Variants in NXPH1 observed in about 807,000 individuals in gnomAD.
NXPH1 encodes neurexophilin 1.
NXPH1 carries 5 observed loss-of-function variants against 23.7 expected under a neutral mutation model. The ratio of observed to expected loss-of-function variants is 0.21; its 90% CI spans 0.11 to 0.44. The LOEUF is 0.44. Ranked by LOEUF, NXPH1 falls within the 20% of genes least tolerant of loss-of-function variation. The pLI is 0.99. For synonymous variants in NXPH1, 144 were observed against 122.2 expected, an observed-to-expected ratio of 1.18 and a Z score of -1.18; for missense variants, 324 against 321.6, an observed-to-expected ratio of 1.01 and a Z score of -0.06.
chr7:8,504,524 C>T (rs1817490205), intron 2 of NXPH1, among the ~76,000 whole-genome samples: 1 of 152,004 alleles, frequency 6.6e-6, no homozygotes, highest in South Asian at 2.1e-4. Flanking sequence ...ACTGCAGCCA[C>T]TCAGGAGCAG....
intron 2 of NXPH1, among the ~76,000 whole-genome samples, chr7:8,664,448 G>A (rs1020576130): frequency 6.6e-6 from 1 of 151,876 alleles, no homozygotes; most frequent in Admixed American, 6.6e-5. Context: ...GCCTTGACTG[G>A]CATTTATTGC....
At chr7:8,688,645 A>G (rs187996065) in intron 2 of NXPH1, among the ~76,000 whole-genome samples, 3 of 152,280 alleles carry the variant, frequency 2.0e-5, no homozygotes, top group Admixed American at 2.0e-4. Context: ...AGACACATGT[A>G]TGTGTCTTCT....
At chr7:8,738,065 C>T (rs1780292953) in intron 2 of NXPH1, among the ~76,000 whole-genome samples, 1 of 152,172 alleles carries the variant, frequency 6.6e-6, no homozygotes, top group African/African-American at 2.4e-5. Flanking sequence ...AGCTTCCTTG[C>T]ATTGGGTTAG....
chr7:8,594,004 T>C (rs1397172612), intron 2 of NXPH1, among the ~76,000 whole-genome samples: 9 of 152,058 alleles, frequency 5.9e-5, no homozygotes, highest in African/African-American at 1.9e-4. Context: ...TTCAAAATTC[T>C]TGTGGGAGGT....
intron 2 of NXPH1, among the ~76,000 whole-genome samples, chr7:8,444,285 C>CG (rs1816358728): frequency 6.6e-6 from 1 of 152,110 alleles, no homozygotes; most frequent in African/African-American, 2.4e-5. Context: ...GAGAAGGGAA[C>CG]GAATCAGAAG....
At chr7:8,712,954 A>C (rs1204776789) in intron 2 of NXPH1, among the ~76,000 whole-genome samples, 2 of 152,056 alleles carry the variant, frequency 1.3e-5, no homozygotes, top group Non-Finnish European at 2.9e-5. Flanking sequence ...TTGAATATTG[A>C]TATCTTTCTC....
chr7:8,653,648 C>T (rs754815509), intron 2 of NXPH1, among the ~76,000 whole-genome samples: 17 of 152,134 alleles, frequency 1.1e-4, no homozygotes, highest in Non-Finnish European at 2.5e-4. Context: ...ATTCTATATA[C>T]ATAACTTCAA....
At chr7:8,510,932 C>A (rs1476938262) in intron 2 of NXPH1, among the ~76,000 whole-genome samples, 2 of 152,032 alleles carry the variant, frequency 1.3e-5, no homozygotes, top group Admixed American at 6.6e-5. Context: ...TTTATTTTGT[C>A]ATGGGCTCTT....
intron 2 of NXPH1, among the ~76,000 whole-genome samples, chr7:8,750,051 C>T (rs1331787823): frequency 2.0e-5 from 3 of 152,178 alleles, no homozygotes; most frequent in African/African-American, 7.2e-5. Flanking sequence ...CAGTCATTGA[C>T]CACATGTTGT....
At chr7:8,503,525 C>G (rs918125658) in intron 2 of NXPH1, among the ~76,000 whole-genome samples, 6 of 151,958 alleles carry the variant, frequency 3.9e-5, no homozygotes, top group Admixed American at 1.3e-4. Flanking sequence ...ACAAAGTTTT[C>G]TTGATACTTT....
At chr7:8,513,273 T>C (rs1192463382) in intron 2 of NXPH1, among the ~76,000 whole-genome samples, 1 of 152,004 alleles carries the variant, frequency 6.6e-6, no homozygotes, top group South Asian at 2.1e-4. Context: ...TATCACAGAA[T>C]AGAATGAAGG....
intron 2 of NXPH1, among the ~76,000 whole-genome samples, chr7:8,595,377 T>C (rs991804766): frequency 1.3e-5 from 2 of 152,040 alleles, no homozygotes; most frequent in Non-Finnish European, 2.9e-5. Context: ...ATTTATTTTT[T>C]ACTTAAGAAA....
intron 2 of NXPH1, among the ~76,000 whole-genome samples, chr7:8,540,087 T>C (rs932402589): frequency 2.0e-5 from 3 of 151,864 alleles, no homozygotes; most frequent in Non-Finnish European, 4.4e-5. Flanking sequence ...ATAGCAGATT[T>C]ATTAGCAGAT....
At chr7:8,558,530 G>A (rs1185512793) in intron 2 of NXPH1, among the ~76,000 whole-genome samples, 3 of 151,598 alleles carry the variant, frequency 2.0e-5, no homozygotes, top group African/African-American at 7.3e-5. Flanking sequence ...TATTAACAAT[G>A]CTTCCAGTGT....
At chr7:8,535,263 CA>C (rs979789765) in intron 2 of NXPH1, among the ~76,000 whole-genome samples, 1 of 150,698 alleles carries the variant, frequency 6.6e-6, no homozygotes, top group Admixed American at 6.6e-5. Flanking sequence ...TTTGTACCAA[CA>C]AAAAAAAGGA....
chr7:8,497,533 G>A (rs1817357818), intron 2 of NXPH1, among the ~76,000 whole-genome samples: 1 of 152,112 alleles, frequency 6.6e-6, no homozygotes, highest in African/African-American at 2.4e-5. Flanking sequence ...GTTGTTTCCT[G>A]ACTTTTTAAT....
At chr7:8,494,698 G>A (rs748494844) in intron 2 of NXPH1, among the ~76,000 whole-genome samples, 6 of 151,990 alleles carry the variant, frequency 3.9e-5, no homozygotes, top group Non-Finnish European at 5.9e-5. Context: ...TGGTTCTATC[G>A]AGTTGACAGA....
intron 2 of NXPH1, among the ~76,000 whole-genome samples, chr7:8,478,140 T>G (rs1817008793): frequency 6.6e-6 from 1 of 152,084 alleles, no homozygotes; most frequent in Admixed American, 6.6e-5. Flanking sequence ...TTACCTTGCA[T>G]GAGAACTTGC....
At chr7:8,591,292 G>T (rs1819088922) in intron 2 of NXPH1, among the ~76,000 whole-genome samples, 1 of 152,008 alleles carries the variant, frequency 6.6e-6, no homozygotes, top group African/African-American at 2.4e-5. Flanking sequence ...TATAGAGAAA[G>T]AGCAATTTAC....
Sources: allele counts gnomAD v4.1 joint callset (sites outside exome capture counted in the v4.1 genomes callset), GRCh38; gene constraint gnomAD v4.1.1; transcripts MANE v1.5; gene names NCBI Gene and HGNC (gene_info 2026-07-23, HGNC 2026-07-21).